Variants in PLD5 observed in about 807,000 individuals in gnomAD.
PLD5 encodes inactive phospholipase D5.
In PLD5, 36 loss-of-function variants were observed where a neutral mutation model predicts 61.1. The ratio of observed to expected loss-of-function variants is 0.59; its 90% confidence interval spans 0.45 to 0.78. The LOEUF is 0.78. PLD5 is among the 30% of genes least tolerant of loss of function. The pLI, the probability that PLD5 is intolerant of heterozygous loss-of-function variation, is 0.00. For synonymous variants in PLD5, 243 were observed against 242.8 expected (o/e 1.00, Z -0.01); for missense variants, 515 against 644.4 (o/e 0.80, Z 2.17).
intron 5 of PLD5, among the ~76,000 whole-genome samples, chr1:242,200,122 C>A (rs751320981): frequency 6.6e-6 from 1 of 152,180 alleles, no homozygotes; most frequent in African/African-American, 2.4e-5. Context: ...ATGGACTTTT[C>A]CTTTTTCCTA....
At chr1:242,516,298 T>C (rs1002153947) in intron 1 of PLD5, among the ~76,000 whole-genome samples, 10 of 146,972 alleles carry the variant, frequency 6.8e-5, no homozygotes, top group Non-Finnish European at 1.0e-4. Flanking sequence ...TTCTACTTTG[T>C]GACTTGTCTC....
intron 6 of PLD5, among the ~76,000 whole-genome samples, chr1:242,120,564 A>G (rs900778489): frequency 2.6e-5 from 4 of 152,214 alleles, no homozygotes; most frequent in African/African-American, 9.6e-5. Flanking sequence ...AATGTGATGC[A>G]GGATTTTTCC....
chr1:242,160,830 A>C (rs1665764036), intron 5 of PLD5, among the ~76,000 whole-genome samples: 2 of 151,970 alleles, frequency 1.3e-5, no homozygotes, highest in Non-Finnish European at 1.5e-5. Context: ...GGTTGCAGTG[A>C]GCTTTGATCG....
In PLD5 at chr1:242,395,063, A is replaced by ATATGTATATATGAATGTATATG. The variant is rs1663474780; in HGVS notation, c.190-46822_190-46821insCATATACATTCATATATACATA. Among the ~76,000 whole-genome samples the ATATGTATATATGAATGTATATG allele has an allele frequency of 3.3e-4, 16 of 48,036 alleles. 1 individual carries two copies. Among genetic ancestry groups the ATATGTATATATGAATGTATATG allele is most frequent in the African/African-American group, 1.5e-3 (14 of 9,384 alleles). The allele number at this position is 48,036 out of a possible 152,430, so 31.5% of individuals were successfully genotyped here. The stretch of plus-strand genomic sequence containing the variant: ...TATATGTATATATGAATATATATGT[A>ATATGTATATATGAATGTATATG]TATATATGAATATATATGTATATAT... On this transcript the variant is annotated intron_variant, in intron 1 of 9. Coordinates refer to ENST00000536534, the MANE Select transcript of PLD5 (RefSeq NM_001372062.1).
intron 1 of PLD5, among the ~76,000 whole-genome samples, chr1:242,389,169 CA>C (rs1229422584): frequency 6.6e-6 from 1 of 151,964 alleles, no homozygotes; most frequent in Non-Finnish European, 1.5e-5. Flanking sequence ...TGTGAAACTG[CA>C]AGCCACTTTT....
chr1:242,196,285 T>A (rs1161391082), intron 5 of PLD5, among the ~76,000 whole-genome samples: 1 of 152,242 alleles, frequency 6.6e-6, no homozygotes, highest in African/African-American at 2.4e-5. Flanking sequence ...CTGTGGAATC[T>A]TGCCCTCACG....
At chr1:242,285,451 T>G (rs1315852489) in intron 3 of PLD5, among the ~76,000 whole-genome samples, 4 of 152,098 alleles carry the variant, frequency 2.6e-5, no homozygotes, top group Non-Finnish European at 4.4e-5. Flanking sequence ...TGAGCCAAGA[T>G]CACACCACCA....
Position 242,290,920 on chromosome 1 carries a change from C to T in PLD5, c.327-2390G>A, listed in dbSNP as rs192106978. ...TAAAAATGTGAATCTGGACACTCTG[C>T]CTGCTGCCTAATGAAACTTCCTATG... is the stretch of plus-strand genomic sequence containing the variant. On this transcript the variant is annotated intron_variant, in intron 2 of 9. Transcript: ENST00000536534. Among the ~76,000 whole-genome samples the T allele has an allele frequency of 9.9e-5, 15 of 152,188 alleles. 1 individual carries two copies. The highest frequency in any genetic ancestry group is 7.8e-4 in the Admixed American group (12 of 15,288).
chr1:242,155,302 C>G (rs998290110), intron 5 of PLD5, among the ~76,000 whole-genome samples: 4 of 152,098 alleles, frequency 2.6e-5, no homozygotes, highest in African/African-American at 9.7e-5. Context: ...AAAACCAGAT[C>G]CTGGATTCAT....
At position 242,241,869 on chromosome 1, in the gene PLD5, CTATATATATATATA is replaced by C. The variant is rs752113161; in HGVS notation, c.608-21768_608-21755del. 7.8e-3 allele frequency among the ~76,000 whole-genome samples: 550 copies of C among 70,796 alleles called. 8 individuals are homozygous for C. The highest frequency in any genetic ancestry group is 0.031 in the African/African-American group (488 of 15,586). 46.4% of individuals were successfully genotyped at this position (70,796 alleles called of 152,430 possible). ...AAGAAGAAAGAACTTGCTTTACTTA[CTATATATATATATA>C]TATATATATATATATATATATATAT... On this transcript the variant is annotated intron_variant, in intron 4 of 9. Coordinates refer to ENST00000536534, the MANE Select transcript of PLD5 (RefSeq NM_001372062.1).
intron 5 of PLD5, among the ~76,000 whole-genome samples, chr1:242,198,701 CAAAAAAA>C (rs10603005): frequency 3.0e-3 from 155 of 51,568 alleles, no homozygotes; most frequent in African/African-American, 7.0e-3. Flanking sequence ...AAGTCCTTAG[CAAAAAAA>C]AAAAAAAAAA....
chr1:242,213,963 C>T (rs1215915886), intron 5 of PLD5, among the ~76,000 whole-genome samples: 1 of 151,826 alleles, frequency 6.6e-6, no homozygotes, highest in African/African-American at 2.4e-5. Context: ...TTGTCAGTTG[C>T]TAGGTTATGA....
chr1:242,284,150 T>TAA (rs369415933), intron 3 of PLD5, among the ~76,000 whole-genome samples: 5 of 111,992 alleles, frequency 4.5e-5, no homozygotes, highest in South Asian at 3.1e-4. Context: ...TTTTTTTTTT[T>TAA]ATAGATACAC....
chr1:242,505,143 T>G (rs1553438), intron 1 of PLD5, among the ~76,000 whole-genome samples: 47,507 of 152,084 alleles, frequency 0.31, 8,843 homozygotes, highest in African/African-American at 0.52. Flanking sequence ...AGTGACAAAG[T>G]GAGACACTGT....
At chr1:242,386,190 T>C (rs964558062) in intron 1 of PLD5, among the ~76,000 whole-genome samples, 4 of 152,196 alleles carry the variant, frequency 2.6e-5, no homozygotes, top group African/African-American at 9.7e-5. Flanking sequence ...TAACTTTATC[T>C]CTGCAAAGAT....
At chr1:242,297,056 T>C (rs566351105) in intron 2 of PLD5, among the ~76,000 whole-genome samples, 3 of 151,376 alleles carry the variant, frequency 2.0e-5, no homozygotes, top group African/African-American at 7.4e-5. Context: ...AAAGAAAAAC[T>C]TCCCCCTGGC....
intron 5 of PLD5, among the ~76,000 whole-genome samples, chr1:242,134,374 T>C (rs1405156646): frequency 1.4e-5 from 2 of 144,966 alleles, no homozygotes; most frequent in African/African-American, 5.2e-5. Context: ...GACTGGGTGA[T>C]GTAGCCTTCA....
chr1:242,092,377 G>A lies in PLD5; in HGVS notation c.1355-2267C>T, dbSNP rs190653716. On this transcript the variant is annotated intron_variant, in intron 9 of 9. Transcript: ENST00000536534. ...TGAGGAGTGGGAGGCTCAAAGGGGT[G>A]AATAAATTTGCCTAATCACATGGTT... Among the ~76,000 whole-genome samples the A allele has an allele frequency of 3.1e-4, 47 of 152,200 alleles. 1 individual carries two copies. The East Asian group carries it at 6.4e-3, about 21-fold the overall frequency.
intron 7 of PLD5, among the ~76,000 whole-genome samples, chr1:242,112,607 G>T (rs1034076335): frequency 6.6e-6 from 1 of 152,108 alleles, no homozygotes; most frequent in African/African-American, 2.4e-5. Context: ...ATCATTTTCT[G>T]GGGGAAGGAC....
Sources: gnomAD v4.1 joint callset for allele counts (sites outside exome capture counted in the v4.1 genomes callset) on GRCh38, gnomAD v4.1.1 for gene constraint, MANE v1.5 for transcripts, NCBI Gene and HGNC (gene_info 2026-07-23, HGNC 2026-07-21) for gene names.